The following SLC9A9 variants were observed in gnomAD, a reference collection of about 807,000 sequenced individuals.
SLC9A9 encodes the protein sodium/hydrogen exchanger 9.
Under a neutral mutation model 77.8 loss-of-function variants are expected in SLC9A9, and 62 were observed. The ratio of observed to expected loss-of-function variants is 0.80; its 90% CI spans 0.65 to 0.98. The LOEUF is 0.98. SLC9A9 is among the 50% of genes least tolerant of loss of function. The probability of loss-of-function intolerance (pLI) is 0.00; values close to 1 mark genes in which losing one functional copy is unlikely to be tolerated. For missense variants in SLC9A9, 775 were observed against 774.9 expected, an observed-to-expected ratio of 1.00 and a Z score of 0.00; for synonymous variants, 320 against 283.5, an observed-to-expected ratio of 1.13 and a Z score of -1.29.
intron 5 of SLC9A9, among the ~76,000 whole-genome samples, chr3:143,674,065 A>G (rs1403472207): frequency 6.6e-6 from 1 of 152,224 alleles, no homozygotes; most frequent in East Asian, 1.9e-4. Context: ...ATTCACTGCT[A>G]ATAAAAATGT....
At chr3:143,785,845 CTTTTTTT>C (rs57552730) in intron 4 of SLC9A9, among the ~76,000 whole-genome samples, 10,038 of 112,988 alleles carry the variant, frequency 0.089, 992 homozygotes, top group African/African-American at 0.21. Flanking sequence ...TTGAATTTTT[CTTTTTTT>C]TTTTTTTTTT....
intron 4 of SLC9A9, among the ~76,000 whole-genome samples, chr3:143,743,826 G>C (rs1935140873): frequency 6.6e-6 from 1 of 152,212 alleles, no homozygotes; most frequent in Admixed American, 6.5e-5. Context: ...TTGTGCACTA[G>C]TTTCTCACGG....
At chr3:143,685,677 A>T (rs935518) in intron 5 of SLC9A9, among the ~76,000 whole-genome samples, 1 of 152,166 alleles carries the variant, frequency 6.6e-6, no homozygotes, top group Non-Finnish European at 1.5e-5. Flanking sequence ...TGTCAGTTCC[A>T]TAAATACCAG....
chr3:143,620,441 G>T (rs182836204), intron 6 of SLC9A9: 2 of 152,448 alleles, frequency 1.3e-5, no homozygotes, highest in East Asian at 3.9e-4. Context: ...TGTTGAGTGA[G>T]AGGAGTAGTG....
intron 4 of SLC9A9, among the ~76,000 whole-genome samples, chr3:143,696,859 T>C (rs1198927395): frequency 1.3e-5 from 2 of 152,084 alleles, no homozygotes; most frequent in Non-Finnish European, 2.9e-5. Flanking sequence ...TCATATACTA[T>C]TGCTGGAAAC....
chr3:143,725,113 T>C (rs1048386155), intron 4 of SLC9A9, among the ~76,000 whole-genome samples: 1 of 152,224 alleles, frequency 6.6e-6, no homozygotes, highest in African/African-American at 2.4e-5. Flanking sequence ...GTTCATTTTT[T>C]TCCTCCTAAT....
intron 8 of SLC9A9, among the ~76,000 whole-genome samples, chr3:143,553,879 G>A (rs2036934295): frequency 6.6e-6 from 1 of 152,146 alleles, no homozygotes. Flanking sequence ...ACTATTCACA[G>A]AATTTCTATT....
intron 12 of SLC9A9, among the ~76,000 whole-genome samples, chr3:143,396,453 G>T (rs947785284): frequency 3.3e-5 from 5 of 152,164 alleles, no homozygotes; most frequent in African/African-American, 1.2e-4. Context: ...TGGGTTGGGG[G>T]GCTGGGGAAG....
chr3:143,640,824 C>T (rs1232168493), intron 6 of SLC9A9, among the ~76,000 whole-genome samples: 2 of 152,126 alleles, frequency 1.3e-5, no homozygotes, highest in Non-Finnish European at 2.9e-5. Context: ...TGCATTACAG[C>T]CTGGGCAACA....
intron 6 of SLC9A9, among the ~76,000 whole-genome samples, chr3:143,600,091 A>G (rs2037820677): frequency 6.6e-6 from 1 of 152,046 alleles, no homozygotes. Flanking sequence ...CAGGTTTGTT[A>G]CATAGGCATA....
At chr3:143,677,828 T>G (rs1466565650) in intron 5 of SLC9A9, among the ~76,000 whole-genome samples, 5 of 144,796 alleles carry the variant, frequency 3.5e-5, no homozygotes, top group African/African-American at 7.6e-5. Flanking sequence ...AGAGTCTTTT[T>G]TTTTTTTTTT....
intron 9 of SLC9A9, among the ~76,000 whole-genome samples, chr3:143,496,388 G>A (rs1165641426): frequency 6.6e-6 from 1 of 152,142 alleles, no homozygotes; most frequent in Non-Finnish European, 1.5e-5. Context: ...CACCATGTTA[G>A]GTAAATATCT....
chr3:143,557,889 A>C (rs1034296893), intron 8 of SLC9A9, among the ~76,000 whole-genome samples: 6 of 152,266 alleles, frequency 3.9e-5, no homozygotes, highest in African/African-American at 1.4e-4. Context: ...AGAGAAATTC[A>C]AGACCATTGC....
At chr3:143,657,592 A>G (rs1249467533) in intron 5 of SLC9A9, among the ~76,000 whole-genome samples, 2 of 152,208 alleles carry the variant, frequency 1.3e-5, no homozygotes, top group Non-Finnish European at 2.9e-5. Flanking sequence ...ATTAGTGTAC[A>G]GTGGAATTTT....
intron 6 of SLC9A9, among the ~76,000 whole-genome samples, chr3:143,644,215 T>A (rs2108741279): frequency 6.6e-6 from 1 of 152,274 alleles, no homozygotes; most frequent in East Asian, 1.9e-4. Flanking sequence ...TTGAATTGGG[T>A]TTCTATCACT....
intron 8 of SLC9A9, among the ~76,000 whole-genome samples, chr3:143,553,681 T>C (rs923405472): frequency 2.0e-5 from 3 of 152,250 alleles, no homozygotes; most frequent in East Asian, 1.9e-4. Context: ...TGCATAAATG[T>C]GTAAAATCTA....
At chr3:143,603,396 A>C (rs571240617) in intron 6 of SLC9A9, among the ~76,000 whole-genome samples, 65 of 152,236 alleles carry the variant, frequency 4.3e-4, no homozygotes, top group Non-Finnish European at 8.7e-4. Context: ...TGTGACCAAC[A>C]GAATTGGCTG....
chr3:143,447,841 A>T (rs543771988), intron 12 of SLC9A9, among the ~76,000 whole-genome samples: 1 of 152,334 alleles, frequency 6.6e-6, no homozygotes, highest in South Asian at 2.1e-4. Flanking sequence ...ATGACAACAC[A>T]TCATAGGGCA....
At chr3:143,564,590 A>G (rs1268331270) in intron 8 of SLC9A9, among the ~76,000 whole-genome samples, 1 of 152,170 alleles carries the variant, frequency 6.6e-6, no homozygotes, top group Non-Finnish European at 1.5e-5. Context: ...GGAACTGAGA[A>G]GTCAAAGATT....
Sources: allele counts gnomAD v4.1 joint callset (sites outside exome capture counted in the v4.1 genomes callset), GRCh38; gene constraint gnomAD v4.1.1; transcripts MANE v1.5; gene names NCBI Gene and HGNC (gene_info 2026-07-23, HGNC 2026-07-21).